Variants in BCAS3 observed in about 807,000 individuals in gnomAD.
BCAS3 encodes the protein BCAS4/BCAS3 fusion.
In BCAS3, 53 loss-of-function variants were observed where a neutral mutation model predicts 116.1. That is an observed-to-expected ratio of 0.46 (90% CI 0.37 to 0.57). BCAS3 has a LOEUF of 0.57. BCAS3 is among the 20% of genes least tolerant of loss of function. The pLI is 0.00. For synonymous variants in BCAS3, 391 were observed against 408.2 expected, an observed-to-expected ratio of 0.96 and a Z score of 0.51; for missense variants, 917 against 1,165.4, an observed-to-expected ratio of 0.79 and a Z score of 3.10.
chr17:61,044,283 TA>T (rs2067802367), intron 19 of BCAS3, among the ~76,000 whole-genome samples: 1 of 151,184 alleles, frequency 6.6e-6, no homozygotes, highest in East Asian at 1.9e-4. Context: ...CTGTCTCTAC[TA>T]AAAATACAAA....
At chr17:60,866,132 ATT>A (rs1406930410) in intron 7 of BCAS3, among the ~76,000 whole-genome samples, 16 of 142,588 alleles carry the variant, frequency 1.1e-4, no homozygotes, top group Admixed American at 1.4e-4. Flanking sequence ...TTATTTGCTA[ATT>A]TTTTTTTTTT....
In BCAS3 at chr17:61,021,202, G is replaced by A. The variant is rs973421884; in HGVS notation, c.1637+5301G>A. On this transcript the variant is annotated intron_variant, in intron 16 of 23. Coordinates refer to ENST00000407086, the MANE Select transcript of BCAS3 (RefSeq NM_017679.5). This position sits in a 1 kb window ranked among gnomAD's most constrained non-coding sequence, Gnocchi z 4.6. ...TCCCGAGTAGCTGGGACTACAAGTG[G>A]GTGTGTGCCACCATGCCTGTCTAAG... Among the ~76,000 whole-genome samples, 1 of 151,928 alleles carries A rather than the reference G, an allele frequency of 6.6e-6. No homozygotes were observed. The highest frequency in any genetic ancestry group is 2.4e-5 in the African/African-American group (1 of 41,352).
intron 19 of BCAS3, among the ~76,000 whole-genome samples, chr17:61,042,932 A>T (rs56028605): frequency 6.7e-6 from 1 of 149,732 alleles, no homozygotes; most frequent in Non-Finnish European, 1.5e-5. Context: ...AAGAAAGATC[A>T]CTCTGGCAGC....
At chr17:61,101,760 A>G (rs1456137813) in intron 22 of BCAS3, among the ~76,000 whole-genome samples, 1 of 152,124 alleles carries the variant, frequency 6.6e-6, no homozygotes, top group African/African-American at 2.4e-5. Flanking sequence ...TGATGTATTC[A>G]GAATTACCTC....
intron 1 of BCAS3, among the ~76,000 whole-genome samples, chr17:60,678,418 G>T (rs142098816): frequency 1.3e-5 from 2 of 152,144 alleles, no homozygotes; most frequent in East Asian, 1.9e-4. Flanking sequence ...GTTCCAGGTT[G>T]TGGGCTTCCC....
rs1315169244 is a variant in BCAS3 at position 61,077,662 on chromosome 17, A to T, written c.2131-671A>T. On this transcript the variant is annotated intron_variant, in intron 20 of 23. Coordinates refer to ENST00000407086, the MANE Select transcript of BCAS3 (RefSeq NM_017679.5). The surrounding 1 kb of genome is among the most constrained non-coding windows in gnomAD (Gnocchi z 4.3). ...GTGTCGATATTTGTGGCAGTTGAGA[A>T]AACACACTAATTAATGGTATTTGGA... Among the ~76,000 whole-genome samples the T allele has an allele frequency of 6.6e-6, 1 of 152,240 alleles. No individual in the cohort carries two copies. Among genetic ancestry groups the T allele is most frequent in the Non-Finnish European group, 1.5e-5 (1 of 68,040 alleles).
At chr17:60,694,272 G>A (rs1295540025) in intron 4 of BCAS3, among the ~76,000 whole-genome samples, 1 of 151,972 alleles carries the variant, frequency 6.6e-6, no homozygotes, top group African/African-American at 2.4e-5. Context: ...GGAGGCTGAG[G>A]TGAGCAGATC....
In BCAS3 at chr17:61,040,785, T is replaced by G. The variant is rs773329551; in HGVS notation, c.1929-7T>G. The G allele has an allele frequency of 5.0e-6, 8 of 1,609,330 alleles. No individual in the cohort carries two copies. Among genetic ancestry groups the G allele is most frequent in the African/African-American group, 2.7e-5 (2 of 74,846 alleles). On this transcript the variant is annotated splice_polypyrimidine_tract_variant and splice_region_variant and intron_variant, in intron 18 of 23. Coordinates refer to ENST00000407086, the MANE Select transcript of BCAS3 (RefSeq NM_017679.5). ...TAAATATTAATATTCTTCTCCTGTT[T>G]CCTTAGAACCCCTCAATGGAATGAA...
intron 22 of BCAS3, among the ~76,000 whole-genome samples, chr17:61,293,918 G>A (rs1272836147): frequency 3.9e-5 from 6 of 152,062 alleles, no homozygotes; most frequent in Non-Finnish European, 5.9e-5. Flanking sequence ...ATGCCACTGC[G>A]CCTGGCTTAT....
At chr17:60,885,436 CCATTTA>C (rs2056546876) in intron 9 of BCAS3, among the ~76,000 whole-genome samples, 1 of 102,778 alleles carries the variant, frequency 9.7e-6, no homozygotes, top group African/African-American at 4.3e-5. Context: ...AGAATTTAGT[CCATTTA>C]CATTTAAAGT....
rs75914013 is a variant in BCAS3, at chr17:61,072,676, CAAA to C, written c.2030-2228_2030-2226del. On this transcript the variant is annotated intron_variant, in intron 19 of 23. Transcript: ENST00000407086. Reference sequence around the variant, plus strand: ...CATCATATTACTCGAGCTTTATTACCAAAAAAAAAAAAAAAAAAGAAGAAAGGA... The same window carrying C: ...CATCATATTACTCGAGCTTTATTACCAAAAAAAAAAAAAAAGAAGAAAGGA... 1.5e-4 allele frequency among the ~76,000 whole-genome samples: 15 copies of C among 102,360 alleles called. No individual in the cohort carries two copies. The East Asian group carries it at 2.1e-3, about 14-fold the overall frequency. The allele number at this position is 102,360 out of a possible 152,430, so 67.2% of individuals were successfully genotyped here. A position where few individuals can be genotyped will look rare whatever the true frequency, so the allele number is the denominator to read the frequency against.
intron 22 of BCAS3, among the ~76,000 whole-genome samples, chr17:61,305,934 C>T (rs1266999760): frequency 6.6e-6 from 1 of 152,130 alleles, no homozygotes; most frequent in Non-Finnish European, 1.5e-5. Context: ...TGTTGTTTCC[C>T]CTGTCTTGAT....
At chr17:60,902,732 G>C (rs1271421578) in intron 11 of BCAS3, 29 bp downstream of exon 11, 6 of 1,478,106 alleles carry the variant, frequency 4.1e-6, no homozygotes, top group Non-Finnish European at 4.7e-6. Flanking sequence ...TTGGAGAGTT[G>C]TGGTTATGTG....
chr17:61,270,523 A>G (rs1394912458), intron 22 of BCAS3, among the ~76,000 whole-genome samples: 1 of 151,996 alleles, frequency 6.6e-6, no homozygotes, highest in Non-Finnish European at 1.5e-5. Flanking sequence ...CAGTTTGCAG[A>G]TATTTCCTTC....
intron 14 of BCAS3, among the ~76,000 whole-genome samples, chr17:60,970,120 A>G (rs2061875210): frequency 2.0e-5 from 3 of 152,188 alleles, no homozygotes; most frequent in Admixed American, 2.0e-4. Flanking sequence ...TATGGGAATG[A>G]TTGAATTATT....
At chr17:60,684,871 G>T (rs182142518) in intron 3 of BCAS3, among the ~76,000 whole-genome samples, 1 of 152,154 alleles carries the variant, frequency 6.6e-6, no homozygotes, top group East Asian at 1.9e-4. Flanking sequence ...CTTTATGAGA[G>T]GATCCTAGAA....
intron 5 of BCAS3, among the ~76,000 whole-genome samples, chr17:60,726,994 G>T (rs1436674856): frequency 6.6e-6 from 1 of 151,694 alleles, no homozygotes; most frequent in African/African-American, 2.4e-5. Flanking sequence ...AAAATTAAGG[G>T]CTATATTTAA....
chr17:60,790,931 A>G (rs1598740175), intron 6 of BCAS3, among the ~76,000 whole-genome samples: 2 of 151,808 alleles, frequency 1.3e-5, no homozygotes, highest in African/African-American at 2.4e-5. Context: ...TTTACTAGAG[A>G]TGGTTTCACC....
At chr17:60,922,529 A>G (rs908191313) in intron 12 of BCAS3, among the ~76,000 whole-genome samples, 2 of 152,246 alleles carry the variant, frequency 1.3e-5, no homozygotes, top group African/African-American at 4.8e-5. Context: ...GTAAACATGT[A>G]CGACTATTTC....
Sources: gnomAD v4.1 joint callset for allele counts (sites outside exome capture counted in the v4.1 genomes callset) on GRCh38, gnomAD v4.1.1 for gene constraint, Gnocchi (gnomAD v3.1) non-coding constraint, MANE v1.5 for transcripts, NCBI Gene and HGNC (gene_info 2026-07-23, HGNC 2026-07-21) for gene names.